Variants in ATP11A observed in about 807,000 individuals in gnomAD.
ATP11A encodes ATPase phospholipid transporting 11A.
A neutral mutation model predicts 154.4 loss-of-function variants in ATP11A; 81 were observed. The observed-to-expected ratio is 0.52, with a 90% CI of 0.44 to 0.63. ATP11A has a LOEUF of 0.63. Among genes scored for constraint, ATP11A ranks in the 30% least tolerant of loss-of-function variants. The probability of loss-of-function intolerance (pLI) is 0.00; values close to 1 mark genes in which losing one functional copy is unlikely to be tolerated. For synonymous variants in ATP11A, 623 were observed against 585.9 expected, an observed-to-expected ratio of 1.06 and a Z score of -0.91; for missense variants, 1,316 against 1,474.3, an observed-to-expected ratio of 0.89 and a Z score of 1.76.
intron 1 of ATP11A, among the ~76,000 whole-genome samples, chr13:112,711,966 G>C (rs534769490): frequency 1.3e-5 from 2 of 152,338 alleles, no homozygotes; most frequent in South Asian, 4.1e-4. Context: ...CTAGGAATCT[G>C]AGGCTCCTTC....
At chr13:112,845,152 C>G (rs1233008770) in intron 17 of ATP11A, among the ~76,000 whole-genome samples, 1 of 151,770 alleles carries the variant, frequency 6.6e-6, no homozygotes, top group African/African-American at 2.4e-5. Context: ...GCAGTACTAA[C>G]CAGTCCAGTT....
At chr13:112,866,533 C>T (rs1370331763) in intron 25 of ATP11A, among the ~76,000 whole-genome samples, 4 of 151,328 alleles carry the variant, frequency 2.6e-5, no homozygotes, top group East Asian at 1.9e-4. Context: ...ACCAGGCATT[C>T]GGTAGATGTC....
chr13:112,781,619 T>C lies in ATP11A; in HGVS notation c.40-3516T>C, dbSNP rs116388371. 7.4e-3 allele frequency among the ~76,000 whole-genome samples: 1,124 copies of C among 152,210 alleles called. 21 individuals carry two copies. Among genetic ancestry groups the C allele is most frequent in the African/African-American group, 0.026 (1,082 of 41,538 alleles). On this transcript the variant is annotated intron_variant, in intron 1 of 29. Coordinates refer to ENST00000375645, the MANE Select transcript of ATP11A (RefSeq NM_015205.3). ...ACCGGGCGCCCTGTCCCCAGGCTGCTGTTAGTGACGGTGTCTGCATCCTCT... is the reference window on the plus strand; with the variant it reads ...ACCGGGCGCCCTGTCCCCAGGCTGCCGTTAGTGACGGTGTCTGCATCCTCT...
intron 5 of ATP11A, among the ~76,000 whole-genome samples, chr13:112,815,849 C>A (rs1217704620): frequency 6.6e-6 from 1 of 152,162 alleles, no homozygotes; most frequent in African/African-American, 2.4e-5. Context: ...CAAAGATAAC[C>A]TTGTTACAGG....
At position 112,800,827 on chromosome 13, in the gene ATP11A, T is replaced by C. The variant is rs560358266; in HGVS notation, c.163-4130T>C. ...TGACCAAGTGGGTTTATCCTAGGTA[T>C]GCAAGGCTGATCCAACATTTGAAAA... On this transcript the variant is annotated intron_variant, in intron 2 of 29. Transcript: ENST00000375645. Among the ~76,000 whole-genome samples, 3 of 152,338 alleles carry C rather than the reference T, an allele frequency of 2.0e-5. No individual in the cohort carries two copies. The South Asian group carries it at 6.2e-4, about 32-fold the overall frequency.
intron 1 of ATP11A, among the ~76,000 whole-genome samples, chr13:112,723,980 C>G (rs559884542): frequency 6.6e-6 from 1 of 152,076 alleles, no homozygotes; most frequent in African/African-American, 2.4e-5. Flanking sequence ...ACAAGCCTGT[C>G]GTGTGGCGCA....
Position 112,753,984 on chromosome 13 carries a change from G to C in ATP11A, c.40-31151G>C, listed in dbSNP as rs1033268066. On this transcript the variant is annotated intron_variant, in intron 1 of 29. Coordinates refer to ENST00000375645, the MANE Select transcript of ATP11A (RefSeq NM_015205.3). The surrounding 1 kb of genome is among the most constrained non-coding windows in gnomAD (Gnocchi z 4.1). ...CACCGCTGCCTCTGAAGCTGGTTCT[G>C]CCACACGCCTGACAGGCCGATCACA... Among the ~76,000 whole-genome samples, 1 of 152,224 alleles carries C rather than the reference G, an allele frequency of 6.6e-6. No homozygotes were observed.
chr13:112,716,011 G>A (rs946731675), intron 1 of ATP11A, among the ~76,000 whole-genome samples: 1 of 152,124 alleles, frequency 6.6e-6, no homozygotes, highest in African/African-American at 2.4e-5. Context: ...AGCAGCTCTG[G>A]GCAGGCTGGC....
intron 4 of ATP11A, among the ~76,000 whole-genome samples, chr13:112,809,758 C>G (rs1352505105): frequency 6.6e-6 from 1 of 152,214 alleles, no homozygotes; most frequent in Non-Finnish European, 1.5e-5. Context: ...AAGGCACCTG[C>G]ACCCAGCAAC....
intron 2 of ATP11A, among the ~76,000 whole-genome samples, chr13:112,787,436 T>C (rs71446640): frequency 6.7e-4 from 76 of 113,200 alleles, no homozygotes; most frequent in African/African-American, 1.7e-3. Flanking sequence ...CCTACTTAAT[T>C]CACACCGGGT....
chr13:112,879,339 G>T (rs1765762), intron 29 of ATP11A, among the ~76,000 whole-genome samples: 80,774 of 151,790 alleles, frequency 0.53, 21,528 homozygotes, highest in East Asian at 0.65. Context: ...AGAATCAACA[G>T]TTTTCTAATT....
intron 17 of ATP11A, among the ~76,000 whole-genome samples, chr13:112,849,722 A>AG: frequency 6.6e-6 from 1 of 152,382 alleles, no homozygotes; most frequent in Non-Finnish European, 1.5e-5. Context: ...GCTGTGTGCC[A>AG]GGGATTCAGT....
At chr13:112,757,985 C>G (rs979207248) in intron 1 of ATP11A, among the ~76,000 whole-genome samples, 15 of 152,234 alleles carry the variant, frequency 9.9e-5, no homozygotes, top group Admixed American at 6.5e-4. Context: ...CCAGGGAGTC[C>G]ACGCCACATG....
Position 112,831,461 on chromosome 13 carries a change from C to T in ATP11A, c.1308C>T (p.Tyr436=), listed in dbSNP as rs565434530. ...FKECCIEGHV[Y]VPHVICNGQV... ...AGTGCTGCATCGAAGGCCATGTCTA[C>T]GTGCCCCACGTCATCTGCAACGGGC... Residue 436 remains tyrosine, a synonymous_variant, in exon 13 of 30, where the codon TAC becomes TAT. Coordinates refer to ENST00000375645, the MANE Select transcript of ATP11A (RefSeq NM_015205.3). 2.0e-5 allele frequency: 33 copies of T among 1,614,190 alleles called. No individual in the cohort carries two copies. Among genetic ancestry groups the T allele is most frequent in the East Asian group, 1.6e-4 (7 of 44,878 alleles).
intron 1 of ATP11A, among the ~76,000 whole-genome samples, chr13:112,765,337 C>G (rs927732109): frequency 2.0e-5 from 3 of 152,168 alleles, no homozygotes; most frequent in Non-Finnish European, 4.4e-5. Context: ...CCTGGAACCC[C>G]AGGCCCGCCC....
chr13:112,717,392 A>T (rs534101277), intron 1 of ATP11A: 1 of 152,260 alleles, frequency 6.6e-6, no homozygotes, highest in African/African-American at 2.4e-5. Context: ...ATTACCTCCA[A>T]GCTGAGAGGG....
chr13:112,851,466 A>G, intron 18 of ATP11A: 1 of 417,132 alleles, frequency 2.4e-6, no homozygotes, highest in East Asian at 3.6e-5. Context: ...AGTAGTGAAA[A>G]TAGCTTTGTC....
At chr13:112,834,104 A>ATAC (rs1474545263) in intron 14 of ATP11A, among the ~76,000 whole-genome samples, 4 of 152,256 alleles carry the variant, frequency 2.6e-5, no homozygotes, top group Non-Finnish European at 4.4e-5. Flanking sequence ...GGCATTGTAT[A>ATAC]GATGGGTGCA....
chr13:112,720,646 C>T (rs190673156), intron 1 of ATP11A, among the ~76,000 whole-genome samples: 162 of 152,246 alleles, frequency 1.1e-3, no homozygotes, highest in Middle Eastern at 3.4e-3. Flanking sequence ...CAACCTCTGC[C>T]TCCTAGGTTC....
Sources: gnomAD v4.1 joint callset for allele counts (sites outside exome capture counted in the v4.1 genomes callset) on GRCh38, gnomAD v4.1.1 for gene constraint, Gnocchi (gnomAD v3.1) non-coding constraint, MANE v1.5 for transcripts, NCBI Gene and HGNC (gene_info 2026-07-23, HGNC 2026-07-21) for gene names.